Variants in FBXL17 observed in about 807,000 individuals in gnomAD.
FBXL17 encodes F-box/LRR-repeat protein 17.
A neutral mutation model predicts 66.2 loss-of-function variants in FBXL17; 22 were observed. The ratio of observed to expected loss-of-function variants is 0.33; its 90% CI spans 0.24 to 0.47. The LOEUF is 0.47. FBXL17 is among the 20% of genes least tolerant of loss of function. FBXL17 has a pLI of 1.00. For missense variants in FBXL17, 878 were observed against 948.2 expected (o/e 0.93, Z 0.97); for synonymous variants, 474 against 400.5 (o/e 1.18, Z -2.19).
At chr5:108,227,120 C>A (rs1484027529) in intron 4 of FBXL17, among the ~76,000 whole-genome samples, 1 of 152,022 alleles carries the variant, frequency 6.6e-6, no homozygotes, top group Admixed American at 6.6e-5. Flanking sequence ...ATGACTAATA[C>A]CTTGAGTATT....
At chr5:108,239,386 C>G (rs1209252035) in intron 4 of FBXL17, among the ~76,000 whole-genome samples, 1 of 152,242 alleles carries the variant, frequency 6.6e-6, no homozygotes, top group African/African-American at 2.4e-5. Context: ...GGGAGTGAAT[C>G]TGTGTGCTTT....
intron 6 of FBXL17, among the ~76,000 whole-genome samples, chr5:108,057,992 AG>A (rs1275223729): frequency 1.3e-5 from 2 of 152,210 alleles, no homozygotes; most frequent in African/African-American, 4.8e-5. Context: ...TTAAGTCCCA[AG>A]GCCAACAATA....
intron 6 of FBXL17, among the ~76,000 whole-genome samples, chr5:108,116,711 T>TA (rs1434647156): frequency 2.0e-5 from 3 of 148,546 alleles, no homozygotes; most frequent in Non-Finnish European, 4.4e-5. Context: ...AATGGGATGA[T>TA]AGATGAATAA....
At chr5:108,128,644 C>G (rs896127846) in intron 6 of FBXL17, among the ~76,000 whole-genome samples, 1 of 152,012 alleles carries the variant, frequency 6.6e-6, no homozygotes, top group African/African-American at 2.4e-5. Context: ...GATTAAAATA[C>G]CAAATTCAAC....
chr5:108,370,077 C>A (rs1312711321), intron 1 of FBXL17, among the ~76,000 whole-genome samples: 1 of 152,148 alleles, frequency 6.6e-6, no homozygotes, highest in Non-Finnish European at 1.5e-5. Context: ...ACACCTTATA[C>A]AAAACCTAAT....
chr5:108,280,830 T>C (rs1757673515), intron 4 of FBXL17, among the ~76,000 whole-genome samples: 2 of 151,372 alleles, frequency 1.3e-5, no homozygotes, highest in Non-Finnish European at 3.0e-5. Flanking sequence ...AAAAGAGATA[T>C]TCCACACAAA....
At chr5:108,135,318 C>T (rs191089098) in intron 6 of FBXL17, among the ~76,000 whole-genome samples, 29 of 152,246 alleles carry the variant, frequency 1.9e-4, no homozygotes, top group Admixed American at 1.5e-3. Context: ...TCAATACGAA[C>T]TAGGAGTGAA....
In FBXL17 at chr5:107,873,312, CATGGGGT is replaced by C. The variant is rs1162982309; in HGVS notation, c.1965+7718_1965+7724del. ...TCCTCTCCCAAGAGGCTGCAGGCCCCATGGGGTAGGGAGTATATCTTGTTCACTGTTT... is the reference window on the plus strand; with the variant it reads ...TCCTCTCCCAAGAGGCTGCAGGCCCCAGGGAGTATATCTTGTTCACTGTTT... On this transcript the variant is annotated intron_variant, in intron 8 of 8. Coordinates refer to ENST00000542267, the MANE Select transcript of FBXL17 (RefSeq NM_001163315.3). 5.4e-3 allele frequency among the ~76,000 whole-genome samples: 822 copies of C among 152,306 alleles called. 10 individuals are homozygous for C. Among genetic ancestry groups the C allele is most frequent in the African/African-American group, 0.019 (790 of 41,556 alleles).
chr5:108,354,419 T>G (rs1037833642), intron 3 of FBXL17, among the ~76,000 whole-genome samples: 2 of 151,224 alleles, frequency 1.3e-5, no homozygotes, highest in Non-Finnish European at 1.5e-5. Flanking sequence ...GAGAATATAA[T>G]AGAAAGTTCC....
chr5:108,328,117 T>C (rs1759943095), intron 4 of FBXL17, among the ~76,000 whole-genome samples: 1 of 152,178 alleles, frequency 6.6e-6, no homozygotes, highest in Non-Finnish European at 1.5e-5. Context: ...AAGAAGTTTG[T>C]CACTGTGTGT....
chr5:107,988,096 T>G (rs6596762), intron 7 of FBXL17, among the ~76,000 whole-genome samples: 97,119 of 151,768 alleles, frequency 0.64, 32,046 homozygotes, highest in African/African-American at 0.82. Context: ...TTTTCTCAAT[T>G]TTAAAATATT....
chr5:107,877,311 T>C (rs1188652040), intron 8 of FBXL17, among the ~76,000 whole-genome samples: 1 of 152,224 alleles, frequency 6.6e-6, no homozygotes, highest in African/African-American at 2.4e-5. Flanking sequence ...GCTTAGCCCT[T>C]GTTTGACAAT....
intron 7 of FBXL17, among the ~76,000 whole-genome samples, chr5:107,991,166 T>C (rs1040352556): frequency 2.0e-5 from 3 of 152,174 alleles, no homozygotes; most frequent in Admixed American, 1.3e-4. Context: ...ATGGGCAGTC[T>C]TAAAGATGGA....
intron 4 of FBXL17, among the ~76,000 whole-genome samples, chr5:108,273,351 TAATAATAATAATA>T (rs1757355290): frequency 7.0e-6 from 1 of 143,458 alleles, no homozygotes; most frequent in Non-Finnish European, 1.5e-5. Flanking sequence ...ATAATAAAAA[TAATAATAATAATA>T]AAAGGAAAAT....
intron 7 of FBXL17, among the ~76,000 whole-genome samples, chr5:107,969,669 C>G (rs1398720406): frequency 6.6e-6 from 1 of 152,092 alleles, no homozygotes; most frequent in Non-Finnish European, 1.5e-5. Flanking sequence ...GTTGCCTAAA[C>G]TGAGCACACT....
At chr5:108,100,760 T>C in intron 6 of FBXL17, among the ~76,000 whole-genome samples, 1 of 152,208 alleles carries the variant, frequency 6.6e-6, no homozygotes, top group East Asian at 1.9e-4. Context: ...GAGTAAAAAT[T>C]AGAAAAGGCA....
chr5:108,097,059 G>T (rs1273875424), intron 6 of FBXL17, among the ~76,000 whole-genome samples: 1 of 152,162 alleles, frequency 6.6e-6, no homozygotes, highest in Non-Finnish European at 1.5e-5. Context: ...AGGTGTCAAG[G>T]GAGGGGCCTG....
intron 7 of FBXL17, among the ~76,000 whole-genome samples, chr5:107,993,843 T>C (rs1363846189): frequency 6.6e-6 from 1 of 152,146 alleles, no homozygotes; most frequent in Non-Finnish European, 1.5e-5. Context: ...AAAATTTATA[T>C]CTGATAATGC....
intron 4 of FBXL17, among the ~76,000 whole-genome samples, chr5:108,282,316 A>G (rs1313735163): frequency 2.6e-5 from 4 of 151,830 alleles, no homozygotes; most frequent in African/African-American, 9.7e-5. Context: ...AAAATATACC[A>G]TGATCAAGTG....
Sources: allele counts gnomAD v4.1 joint callset (sites outside exome capture counted in the v4.1 genomes callset), GRCh38; gene constraint gnomAD v4.1.1; transcripts MANE v1.5; gene names NCBI Gene and HGNC (gene_info 2026-07-23, HGNC 2026-07-21).